LYRM4: variants seen among roughly 807,000 people sequenced by gnomAD.
LYRM4 encodes LYR motif-containing protein 4.
Under a neutral mutation model 11.7 loss-of-function variants are expected in LYRM4, and 9 were observed. The ratio of observed to expected loss-of-function variants is 0.77; its 90% confidence interval spans 0.46 to 1.34. The LOEUF is 1.34. LYRM4 is among the 40% of genes most tolerant of loss of function. LYRM4 has a pLI of 0.00. For synonymous variants in LYRM4, 42 were observed against 40.4 expected, an observed-to-expected ratio of 1.04 and a Z score of -0.15; for missense variants, 133 against 112.5, an observed-to-expected ratio of 1.18 and a Z score of -0.82.
intron 2 of LYRM4, among the ~76,000 whole-genome samples, chr6:5,152,599 G>C (rs1561833453): frequency 6.6e-6 from 1 of 152,224 alleles, no homozygotes. Flanking sequence ...CGGCCTGGCT[G>C]TTCCCCTCTG....
chr6:5,168,813 A>T (rs142939008), intron 2 of LYRM4, among the ~76,000 whole-genome samples: 1,551 of 152,272 alleles, frequency 0.01, 18 homozygotes, highest in South Asian at 0.021. Context: ...TAGGAGACGT[A>T]TGTTGAAGAA....
chr6:5,230,403 G>T (rs538908623), intron 1 of LYRM4, among the ~76,000 whole-genome samples: 1 of 152,138 alleles, frequency 6.6e-6, no homozygotes, highest in Non-Finnish European at 1.5e-5. Flanking sequence ...CCATGTATAT[G>T]GCAAAGATTT....
chr6:5,213,685 T>C (rs1762101260), intron 2 of LYRM4, among the ~76,000 whole-genome samples: 1 of 152,190 alleles, frequency 6.6e-6, no homozygotes, highest in Non-Finnish European at 1.5e-5. Flanking sequence ...AGGGAGACTG[T>C]GGGTGGCCAA....
At chr6:5,067,879 T>A in the LYRM4 span, among the ~76,000 whole-genome samples, 1 of 152,198 alleles carries the variant, frequency 6.6e-6, no homozygotes, top group Non-Finnish European at 1.5e-5. Flanking sequence ...AAAAAAAGAT[T>A]ACGTATATAG....
chr6:5,222,027 G>A (rs1219575206), intron 1 of LYRM4, among the ~76,000 whole-genome samples: 4 of 152,204 alleles, frequency 2.6e-5, no homozygotes, highest in Admixed American at 2.6e-4. Flanking sequence ...TGCCTATGGA[G>A]AGGAAGCTCA....
intron 1 of LYRM4, among the ~76,000 whole-genome samples, chr6:5,239,584 C>T (rs761678698): frequency 3.3e-5 from 5 of 151,864 alleles, no homozygotes; most frequent in East Asian, 3.9e-4. Flanking sequence ...GGTGGTGTCC[C>T]GCACGCTAGG....
the LYRM4 span, among the ~76,000 whole-genome samples, chr6:5,049,348 T>G: frequency 0.88 from 133,894 of 152,108 alleles, 59,048 homozygotes; most frequent in East Asian, 0.99. Flanking sequence ...TATCCTCAGA[T>G]GACCCAACTA....
the LYRM4 span, chr6:5,086,680 C>T: frequency 0.028 from 23,002 of 829,904 alleles, 1,386 homozygotes; most frequent in African/African-American, 0.2. Flanking sequence ...GCGTGAGGGG[C>T]GCGTGGAGGG....
chr6:5,073,924 C>T, the LYRM4 span, among the ~76,000 whole-genome samples: 7 of 152,154 alleles, frequency 4.6e-5, no homozygotes, highest in Non-Finnish European at 1.0e-4. Context: ...GGCCTTATAC[C>T]TTCCTGTCAT....
chr6:5,119,249 GTTAATAA>G (rs1271076570), intron 2 of LYRM4, among the ~76,000 whole-genome samples: 1 of 152,148 alleles, frequency 6.6e-6, no homozygotes, highest in Non-Finnish European at 1.5e-5. Flanking sequence ...CCGTGTCACA[GTTAATAA>G]TTAATATGTT....
the LYRM4 span, chr6:5,032,461 CTT>C: frequency 6.6e-6 from 1 of 152,070 alleles, no homozygotes; most frequent in East Asian, 1.9e-4. Context: ...TGTTTTTAAA[CTT>C]ATTGTTTACA....
intron 2 of LYRM4, among the ~76,000 whole-genome samples, chr6:5,130,435 C>T (rs537824937): frequency 5.3e-5 from 8 of 152,362 alleles, no homozygotes; most frequent in East Asian, 3.9e-4. Context: ...TGGCAGCTGC[C>T]GCCACTGCTG....
At chr6:5,208,858 T>A (rs1319005710) in intron 2 of LYRM4, among the ~76,000 whole-genome samples, 1 of 152,228 alleles carries the variant, frequency 6.6e-6, no homozygotes, top group African/African-American at 2.4e-5. Flanking sequence ...GGGGCCAAGC[T>A]ATAAAACTAA....
At chr6:5,050,895 A>T in the LYRM4 span, among the ~76,000 whole-genome samples, 1 of 152,266 alleles carries the variant, frequency 6.6e-6, no homozygotes, top group Non-Finnish European at 1.5e-5. Flanking sequence ...AGTTTAAAAC[A>T]ATTATCTTAA....
intron 2 of LYRM4, among the ~76,000 whole-genome samples, chr6:5,110,523 T>A (rs1217614993): frequency 6.6e-6 from 1 of 152,166 alleles, no homozygotes; most frequent in Non-Finnish European, 1.5e-5. Flanking sequence ...CACAGAGGTA[T>A]CTTGAAGGTC....
chr6:5,195,475 A>G (rs112662443), intron 2 of LYRM4, among the ~76,000 whole-genome samples: 2 of 151,770 alleles, frequency 1.3e-5, no homozygotes, highest in Admixed American at 6.6e-5. Context: ...AACAAAAAAA[A>G]CCCCGACAAT....
the LYRM4 span, among the ~76,000 whole-genome samples, chr6:5,064,623 T>C: frequency 6.6e-6 from 1 of 152,222 alleles, no homozygotes; most frequent in East Asian, 1.9e-4. Flanking sequence ...AGATTGGTCT[T>C]GAACTCTTGG....
chr6:5,050,806 C>T, the LYRM4 span, among the ~76,000 whole-genome samples: 6 of 152,240 alleles, frequency 3.9e-5, no homozygotes, highest in East Asian at 1.2e-3. Flanking sequence ...AGCATACAAA[C>T]AGAAAAGTAT....
intron 1 of LYRM4, among the ~76,000 whole-genome samples, chr6:5,240,327 T>C (rs1763804191): frequency 6.6e-6 from 1 of 152,178 alleles, no homozygotes; most frequent in Non-Finnish European, 1.5e-5. Context: ...CCTCCTCTGC[T>C]GACACTTTGG....
Sources: gnomAD v4.1 joint callset for allele counts (sites outside exome capture counted in the v4.1 genomes callset) on GRCh38, gnomAD v4.1.1 for gene constraint, MANE v1.5 for transcripts, NCBI Gene and HGNC (gene_info 2026-07-23, HGNC 2026-07-21) for gene names.